The following KIFC3 variants were observed in gnomAD, a reference collection of about 807,000 sequenced individuals.
KIFC3 encodes the protein kinesin family member C3.
In KIFC3, 60 loss-of-function variants were observed where a neutral mutation model predicts 101.8. The ratio of observed to expected loss-of-function variants is 0.59; its 90% CI spans 0.48 to 0.73. KIFC3 has a LOEUF of 0.73. Among genes scored for constraint, KIFC3 ranks in the 30% least tolerant of loss-of-function variants. The pLI is 0.00. For synonymous variants in KIFC3, 476 were observed against 482.7 expected (o/e 0.99, Z 0.18); for missense variants, 966 against 1,137.1 (o/e 0.85, Z 2.16).
intron 1 of KIFC3, among the ~76,000 whole-genome samples, chr16:57,849,129 G>A (rs940589045): frequency 1.2e-4 from 18 of 152,184 alleles, no homozygotes; most frequent in African/African-American, 4.1e-4. Context: ...AGCTTTAGAG[G>A]TTTATATCTG....
At chr16:57,823,764 TG>T (rs2149281245) in intron 1 of KIFC3, among the ~76,000 whole-genome samples, 1 of 55,772 alleles carries the variant, frequency 1.8e-5, no homozygotes, top group South Asian at 6.4e-4. Context: ...GGCTACTTTG[TG>T]TGTGTGTGTG....
intron 2 of KIFC3, 108 bp from the exon 3 acceptor site, chr16:57,795,249 T>A: frequency 1.5e-6 from 2 of 1,335,346 alleles, no homozygotes; most frequent in Non-Finnish European, 2.0e-6. Flanking sequence ...CACACATCCC[T>A]GGCTGGTCCA....
intron 3 of KIFC3, among the ~76,000 whole-genome samples, chr16:57,787,254 G>A (rs782068126): frequency 1.4e-4 from 22 of 152,222 alleles, no homozygotes; most frequent in Non-Finnish European, 2.8e-4. Context: ...TGTGGGAGGG[G>A]CCCAGCAGGA....
Position 57,759,800 on chromosome 16 carries a change from G to C in KIFC3, c.2404C>G (p.Arg802Gly). The part of the protein sequence containing the change: ...PACQTPQPSA[R>G]AHSAPSSGTS... ...CCAGAGCTGGGGGCTGAGTGGGCCC[G>C]TGCCGAGGGCTGTGGCGTCTGACAA... Residue 802 changes from arginine to glycine, a missense_variant, in exon 18 of 20, where the codon CGG becomes GGG. Transcript: ENST00000445690. 1 of 1,610,684 alleles carries C rather than the reference G, an allele frequency of 6.2e-7. No individual in the cohort carries two copies. Among genetic ancestry groups the C allele is most frequent in the Non-Finnish European group, 8.5e-7 (1 of 1,178,828 alleles).
intron 3 of KIFC3, among the ~76,000 whole-genome samples, chr16:57,791,451 GT>G (rs1313261747): frequency 1.3e-5 from 2 of 152,350 alleles, no homozygotes; most frequent in African/African-American, 4.8e-5. Context: ...CAGCGCCTCT[GT>G]AGGGTGCATC....
At chr16:57,812,047 T>TC (rs1309654842) in intron 1 of KIFC3, among the ~76,000 whole-genome samples, 2 of 113,858 alleles carry the variant, frequency 1.8e-5, no homozygotes, top group Non-Finnish European at 3.9e-5. Context: ...CGTCTCTCTC[T>TC]TTTTTTTTTT....
At chr16:57,783,480 T>TTG (rs797025826) in intron 3 of KIFC3, among the ~76,000 whole-genome samples, 3,073 of 150,606 alleles carry the variant, frequency 0.02, 132 homozygotes, top group African/African-American at 0.072. Flanking sequence ...TTCTTTTTTT[T>TTG]TTTTTTTTTG....
intron 16 of KIFC3, 109 bp downstream of exon 16, chr16:57,760,617 A>T: frequency 9.0e-7 from 1 of 1,115,716 alleles, no homozygotes; most frequent in Non-Finnish European, 1.3e-6. Context: ...GTGTGTGGCC[A>T]GGTCTAGGGG....
chr16:57,806,510 C>T (rs1034271843), upstream of KIFC3, among the ~76,000 whole-genome samples: 6 of 152,142 alleles, frequency 3.9e-5, no homozygotes, highest in African/African-American at 1.2e-4. Context: ...AGGACCCTTT[C>T]GTTACTTGAT....
In KIFC3 at chr16:57,839,759, C is replaced by T. The variant is rs1339854133; in HGVS notation, c.108+22970G>A. Among the ~76,000 whole-genome samples, 5 of 152,086 alleles carry T rather than the reference C, an allele frequency of 3.3e-5. No individual in the cohort carries two copies. In the South Asian group the frequency reaches 8.3e-4, roughly 25 times the overall value. ...TTTCTTTACATTTGAATGTAATAAA[C>T]GTGTCAGGTTTATTTATCTGAACTT... On this transcript the variant is annotated intron_variant, in intron 1 of 2. Coordinates refer to the KIFC3 transcript ENST00000563028.
chr16:57,766,809 C>A, intron 10 of KIFC3, 65 bp downstream of exon 10: 1 of 1,111,218 alleles, frequency 9.0e-7, no homozygotes, highest in Non-Finnish European at 1.3e-6. Flanking sequence ...GAGCTCCAAG[C>A]ATGACTGCCA....
At chr16:57,861,113 A>G (rs1347469879) in intron 1 of KIFC3, among the ~76,000 whole-genome samples, 2 of 152,192 alleles carry the variant, frequency 1.3e-5, no homozygotes, top group Non-Finnish European at 2.9e-5. Context: ...GGCTATTAGT[A>G]TTGTTATTTT....
intron 3 of KIFC3, chr16:57,775,631 G>T (rs1555611369): frequency 2.0e-6 from 2 of 985,454 alleles, no homozygotes; most frequent in Non-Finnish European, 2.4e-6. Flanking sequence ...CACACTCACC[G>T]CAGCTTCCAG....
At chr16:57,797,606 C>G in intron 2 of KIFC3, 2 of 809,438 alleles carry the variant, frequency 2.5e-6, no homozygotes, top group Non-Finnish European at 3.1e-6. Flanking sequence ...AGGCCACGTT[C>G]CCGAGCAGCC....
chr16:57,775,687 C>T (rs114658751), intron 3 of KIFC3: 6 of 985,400 alleles, frequency 6.1e-6, no homozygotes, highest in East Asian at 1.1e-4. Flanking sequence ...GGGAGGGTCC[C>T]GAGTGCCACC....
chr16:57,847,611 C>T (rs1192371353), intron 1 of KIFC3, among the ~76,000 whole-genome samples: 1 of 151,968 alleles, frequency 6.6e-6, no homozygotes, highest in Non-Finnish European at 1.5e-5. Context: ...CACAGGGCTG[C>T]CCAATTTTCT....
chr16:57,856,549 GA>G (rs561235610), intron 1 of KIFC3, among the ~76,000 whole-genome samples: 41 of 150,694 alleles, frequency 2.7e-4, no homozygotes, highest in African/African-American at 9.8e-4. Context: ...AAAGAAGAAA[GA>G]AAAAAAGAAA....
intron 1 of KIFC3, chr16:57,816,680 C>T (rs1555628902): frequency 2.2e-6 from 1 of 456,534 alleles, no homozygotes; most frequent in South Asian, 1.5e-5. Context: ...TCCCCACAAC[C>T]AGGAGTCTTG....
chr16:57,759,641 G>T, intron 18 of KIFC3, 87 bp downstream of exon 18: 1 of 1,013,608 alleles, frequency 9.9e-7, no homozygotes, highest in Non-Finnish European at 1.4e-6. Flanking sequence ...AAAAAGGAAA[G>T]AAAAGAGAAA....
Sources: allele counts gnomAD v4.1 joint callset (sites outside exome capture counted in the v4.1 genomes callset), GRCh38; gene constraint gnomAD v4.1.1; transcripts MANE v1.5; gene names NCBI Gene and HGNC (gene_info 2026-07-23, HGNC 2026-07-21).